The following LYST variants were observed in gnomAD, a reference collection of about 807,000 sequenced individuals.
LYST encodes the protein lysosomal trafficking regulator, also known as lysosomal-trafficking regulator.
LYST carries 192 observed loss-of-function variants against 413.6 expected under a neutral mutation model. That is an observed-to-expected ratio of 0.46 (90% CI 0.41 to 0.52). The LOEUF is 0.52. Among genes scored for constraint, LYST ranks in the 20% least tolerant of loss-of-function variants. The probability of loss-of-function intolerance (pLI) is 0.00; values close to 1 mark genes in which losing one functional copy is unlikely to be tolerated. For synonymous variants in LYST, 1,525 were observed against 1,567.3 expected (o/e 0.97, Z 0.64); for missense variants, 3,815 against 4,499.9 (o/e 0.85, Z 4.35).
intron 30 of LYST, among the ~76,000 whole-genome samples, chr1:235,743,622 G>A (rs922431309): frequency 7.2e-5 from 11 of 152,198 alleles, no homozygotes; most frequent in African/African-American, 2.4e-4. Flanking sequence ...TTAGAAAAAT[G>A]AGAGTAAGTA....
At chr1:235,702,067 A>G (rs919951973) in intron 45 of LYST, among the ~76,000 whole-genome samples, 1 of 152,184 alleles carries the variant, frequency 6.6e-6, no homozygotes, top group Non-Finnish European at 1.5e-5. Flanking sequence ...TCTTTCCCTT[A>G]CCTTTTCATT....
Position 235,788,965 on chromosome 1 carries a change from GT to G in LYST, c.4544-121del, listed in dbSNP as rs1164334766. 4 of 873,656 alleles carry G rather than the reference GT, an allele frequency of 4.6e-6. No homozygotes were observed. In the East Asian group the frequency reaches 1.0e-4, roughly 23 times the overall value. 54.1% of individuals were successfully genotyped at this position (873,656 alleles called of 1,614,324 possible). ...TTGTAGTAGGTTATCTACCCAGAAT[GT>G]CTGAGCCTGACCTGTTCTAAACAAC... On this transcript the variant is annotated intron_variant, in intron 12 of 52. Transcript: ENST00000389793.
rs1398894492 is a variant in LYST, at chr1:235,771,913, GTTTGTTTTTTT to G, written c.5785-1627_5785-1617del. Among the ~76,000 whole-genome samples, 19 of 95,182 alleles carry G rather than the reference GTTTGTTTTTTT, an allele frequency of 2.0e-4. 1 individual carries two copies. The South Asian group carries it at 6.4e-3, about 32-fold the overall frequency. 62.4% of individuals were successfully genotyped at this position (95,182 alleles called of 152,430 possible). ...CTAATAGATTAGAAAAGGTTTTTTA[GTTTGTTTTTTT>G]TTTTTTTTTTTTTTTTGGCCAGGCA... On this transcript the variant is annotated intron_variant, in intron 19 of 52. Transcript: ENST00000389793.
intron 29 of LYST, among the ~76,000 whole-genome samples, chr1:235,744,970 T>C (rs2103274152): frequency 6.6e-6 from 1 of 152,102 alleles, no homozygotes. Flanking sequence ...GAGTTTATCA[T>C]GTTTTTCTAG....
At chr1:235,680,598 T>A (rs1659731404) in intron 48 of LYST, among the ~76,000 whole-genome samples, 1 of 149,430 alleles carries the variant, frequency 6.7e-6, no homozygotes, top group East Asian at 2.0e-4. Context: ...ACACAAGTGA[T>A]TTTCTTTTTT....
chr1:235,664,783 G>A lies in LYST; in HGVS notation c.11039-162C>T, dbSNP rs1658295970. On this transcript the variant is annotated intron_variant, in intron 50 of 52. Transcript: ENST00000389793. This position sits in a 1 kb window ranked among gnomAD's most constrained non-coding sequence, Gnocchi z 4.5. ...CTGTATAAATGAAATTACTACACAA[G>A]TTGCACAGATTTTTCTTTTTCATTT... 6.6e-6 allele frequency among the ~76,000 whole-genome samples: 1 copy of A among 152,168 alleles called. No homozygotes were observed.
chr1:235,748,061 T>C (rs1000732806), intron 28 of LYST, among the ~76,000 whole-genome samples: 2 of 152,210 alleles, frequency 1.3e-5, no homozygotes, highest in Non-Finnish European at 2.9e-5. Context: ...GAAAGAGTTG[T>C]TTTGTTGATA....
At chr1:235,797,688 G>A (rs1249639683) in intron 10 of LYST, among the ~76,000 whole-genome samples, 5 of 151,950 alleles carry the variant, frequency 3.3e-5, no homozygotes, top group East Asian at 1.9e-4. Flanking sequence ...TAAAACTTAC[G>A]GGGAACATTC....
rs767380219 is a variant in LYST at position 235,806,292 on chromosome 1, G to C, written c.2844C>G (p.Ser948Arg). ...SHMLPCISLE[S>R]LVLPSPEHMH... ...TATGTTCAGGAGAAGGCAAGACAAG[G>C]CTCTCGAGAGATATACATGGCAGCA... The change falls in exon 6 of 53, where the codon AGC becomes AGG. Residue 948 changes from serine to arginine, a missense_variant. Physicochemically the swap from Ser to Arg is moderately radical, Grantham distance 110. Coordinates refer to ENST00000389793, the MANE Select transcript of LYST (RefSeq NM_000081.4). 6.2e-7 allele frequency: 1 copy of C among 1,613,966 alleles called. No homozygotes were observed. The highest frequency in any genetic ancestry group is 8.5e-7 in the Non-Finnish European group (1 of 1,179,980).
chr1:235,740,734 T>C (rs773243543), intron 31 of LYST, among the ~76,000 whole-genome samples: 13 of 152,256 alleles, frequency 8.5e-5, no homozygotes, highest in Non-Finnish European at 1.9e-4. Flanking sequence ...TTGTAGTTTT[T>C]GGCCATTATG....
At chr1:235,734,211 G>A (rs1664622939) in intron 32 of LYST, among the ~76,000 whole-genome samples, 1 of 151,952 alleles carries the variant, frequency 6.6e-6, no homozygotes, top group South Asian at 2.1e-4. Flanking sequence ...CTAACTCAAG[G>A]TATGCTTCAG....
intron 31 of LYST, chr1:235,737,332 T>G (rs537783574): frequency 6.6e-6 from 1 of 152,192 alleles, no homozygotes; most frequent in South Asian, 2.1e-4. Context: ...GAAATACAAA[T>G]AAAAGAATCC....
At chr1:235,765,465 T>A (rs185125017) in intron 21 of LYST, among the ~76,000 whole-genome samples, 1 of 152,338 alleles carries the variant, frequency 6.6e-6, no homozygotes, top group East Asian at 1.9e-4. Context: ...ATAACTAGAA[T>A]ACAAGTTCGA....
chr1:235,723,017 G>A (rs1663523033), intron 39 of LYST, among the ~76,000 whole-genome samples: 1 of 152,246 alleles, frequency 6.6e-6, no homozygotes, highest in African/African-American at 2.4e-5. Context: ...GATGGTAGCA[G>A]TGGAAGCAGT....
rs1667376219 is a variant in LYST at position 235,759,545 on chromosome 1, G to C, written c.6308C>G (p.Ser2103Cys). The C allele has an allele frequency of 2.5e-6, 4 of 1,613,518 alleles. No individual in the cohort carries two copies. Among genetic ancestry groups the C allele is most frequent in the Non-Finnish European group, 3.4e-6 (4 of 1,179,522 alleles). The change falls in exon 23 of 53, where the codon TCT becomes TGT. Residue 2103 changes from serine to cysteine, a missense_variant. This residue lies in a region of LYST where 530 missense variants were observed against 696.5 expected (regional missense o/e 0.76). Coordinates refer to ENST00000389793, the MANE Select transcript of LYST (RefSeq NM_000081.4). ...PQQMAAHMLR[S>C]RSLPAFPTSS... is the part of the protein sequence containing the mutation. ...AGTAGGGAATGCTGGTAGGCTTCTAGAACGCAGCATATGGGCGGCCATCTG... is the reference window on the plus strand; with the variant it reads ...AGTAGGGAATGCTGGTAGGCTTCTACAACGCAGCATATGGGCGGCCATCTG...
chr1:235,738,517 C>G, intron 31 of LYST: 1 of 1,612,034 alleles, frequency 6.2e-7, no homozygotes, highest in Non-Finnish European at 8.5e-7. Flanking sequence ...TTCCGTTACC[C>G]AATGGGGGAA....
At chr1:235,751,095 T>C in intron 28 of LYST, 115 bp downstream of exon 28, 1 of 1,071,378 alleles carries the variant, frequency 9.3e-7, no homozygotes, top group Non-Finnish European at 1.4e-6. Flanking sequence ...GGAAAAAATC[T>C]TTCTTAAATT....
chr1:235,873,505 G>A (rs1681024067), intron 1 of LYST, among the ~76,000 whole-genome samples: 1 of 152,154 alleles, frequency 6.6e-6, no homozygotes, highest in Admixed American at 6.5e-5. Flanking sequence ...ATAATCATTA[G>A]TAATTGACAG....
intron 50 of LYST, among the ~76,000 whole-genome samples, chr1:235,666,607 T>TACATACAC (rs1553260819): frequency 4.2e-5 from 6 of 141,364 alleles, no homozygotes; most frequent in African/African-American, 1.5e-4. Context: ...CACACACACA[T>TACATACAC]ACACACACAC....
Sources: gnomAD v4.1 joint callset for allele counts (sites outside exome capture counted in the v4.1 genomes callset) on GRCh38, gnomAD v4.1.1 for gene constraint, gnomAD v4.1.1 regional missense constraint, Gnocchi (gnomAD v3.1) non-coding constraint, MANE v1.5 for transcripts, NCBI Gene and HGNC (gene_info 2026-07-23, HGNC 2026-07-21) for gene names.